Variants in PDE4B observed in about 807,000 individuals in gnomAD.
The protein encoded by PDE4B is 3',5'-cyclic-AMP phosphodiesterase 4B.
Under a neutral mutation model 82.2 loss-of-function variants are expected in PDE4B, and 20 were observed. That is an observed-to-expected ratio of 0.24 (90% confidence interval 0.17 to 0.35). PDE4B has a LOEUF of 0.35. Ranked by LOEUF, PDE4B falls within the 10% of genes least tolerant of loss-of-function variation. PDE4B has a pLI of 1.00. For synonymous variants in PDE4B, 320 were observed against 318.9 expected, an observed-to-expected ratio of 1.00 and a Z score of -0.04; for missense variants, 655 against 907.2, an observed-to-expected ratio of 0.72 and a Z score of 3.57.
At chr1:66,097,208 A>G (rs1178962467) in intron 3 of PDE4B, among the ~76,000 whole-genome samples, 1 of 152,080 alleles carries the variant, frequency 6.6e-6, no homozygotes, top group African/African-American at 2.4e-5. Flanking sequence ...AATACTTTAC[A>G]TCTCCACTAG....
At chr1:66,027,790 T>C (rs1360670356) in intron 3 of PDE4B, among the ~76,000 whole-genome samples, 1 of 152,226 alleles carries the variant, frequency 6.6e-6, no homozygotes, top group Non-Finnish European at 1.5e-5. Flanking sequence ...AAACGATCCC[T>C]GACTTTATGT....
At chr1:66,011,522 A>G (rs895229572) in intron 3 of PDE4B, among the ~76,000 whole-genome samples, 4 of 152,220 alleles carry the variant, frequency 2.6e-5, no homozygotes, top group African/African-American at 9.6e-5. Flanking sequence ...GAGTATCACA[A>G]TGGTAAATTT....
intron 1 of PDE4B, among the ~76,000 whole-genome samples, chr1:65,834,705 A>G (rs1368495259): frequency 6.6e-6 from 1 of 152,196 alleles, no homozygotes; most frequent in African/African-American, 2.4e-5. Context: ...CCACGTCTTC[A>G]TGTCTAAATT....
intron 3 of PDE4B, among the ~76,000 whole-genome samples, chr1:66,124,913 G>T (rs865980604): frequency 3.0e-4 from 17 of 56,982 alleles, no homozygotes; most frequent in Admixed American, 7.6e-4. Context: ...CTGTGTGTGT[G>T]TATGCGTGTG....
chr1:66,229,038 T>C (rs113366417), intron 3 of PDE4B, among the ~76,000 whole-genome samples: 31,279 of 151,752 alleles, frequency 0.21, 6,689 homozygotes, highest in African/African-American at 0.53. Context: ...GATGGAGTCT[T>C]GCTCTGTCGC....
chr1:66,195,782 C>A (rs986917645), intron 3 of PDE4B, among the ~76,000 whole-genome samples: 1 of 152,180 alleles, frequency 6.6e-6, no homozygotes, highest in Non-Finnish European at 1.5e-5. Flanking sequence ...AGTTGGCTGG[C>A]TGATATGATT....
intron 3 of PDE4B, among the ~76,000 whole-genome samples, chr1:66,102,319 G>T (rs771806685): frequency 4.6e-5 from 7 of 152,062 alleles, no homozygotes; most frequent in Non-Finnish European, 7.4e-5. Context: ...GGGGAGAATG[G>T]ATGTGTATAC....
At chr1:65,855,107 G>A (rs72685042) in intron 1 of PDE4B, among the ~76,000 whole-genome samples, 3,251 of 150,250 alleles carry the variant, frequency 0.022, 63 homozygotes, top group Non-Finnish European at 0.032. Context: ...TTAAGAAATA[G>A]TTATAATATC....
At chr1:66,289,265 T>A (rs1026582951) in intron 7 of PDE4B, among the ~76,000 whole-genome samples, 1 of 151,898 alleles carries the variant, frequency 6.6e-6, no homozygotes, top group Non-Finnish European at 1.5e-5. Flanking sequence ...AAGACCTGTC[T>A]CAAGAAAGAA....
intron 3 of PDE4B, among the ~76,000 whole-genome samples, chr1:66,235,622 T>A (rs1652347630): frequency 6.6e-6 from 1 of 152,210 alleles, no homozygotes; most frequent in African/African-American, 2.4e-5. Context: ...CCACATGTAG[T>A]CAGGTCATGC....
intron 7 of PDE4B, among the ~76,000 whole-genome samples, chr1:66,300,800 T>C (rs576680435): frequency 1.3e-5 from 2 of 152,276 alleles, no homozygotes; most frequent in South Asian, 4.1e-4. Flanking sequence ...GCCGGCTGGA[T>C]TAGGCAATCA....
chr1:66,325,124 G>A (rs1396898642), intron 7 of PDE4B, among the ~76,000 whole-genome samples: 3 of 152,154 alleles, frequency 2.0e-5, no homozygotes, highest in Non-Finnish European at 4.4e-5. Context: ...CTATGGGAAG[G>A]AACCGAAGAA....
chr1:66,008,360 G>T (rs1652275792), intron 3 of PDE4B, among the ~76,000 whole-genome samples: 1 of 152,064 alleles, frequency 6.6e-6, no homozygotes, highest in South Asian at 2.1e-4. Context: ...CCACCTGCTT[G>T]ATTGTGCCCA....
intron 3 of PDE4B, among the ~76,000 whole-genome samples, chr1:65,991,020 C>T (rs925136010): frequency 3.9e-5 from 6 of 151,932 alleles, no homozygotes; most frequent in Admixed American, 1.3e-4. Flanking sequence ...AGTTAGTCTG[C>T]TCTTATTTAG....
At chr1:66,027,353 C>T (rs907801337) in intron 3 of PDE4B, among the ~76,000 whole-genome samples, 4 of 152,180 alleles carry the variant, frequency 2.6e-5, no homozygotes, top group South Asian at 4.1e-4. Context: ...AAAGACTGGC[C>T]CCCATGAGTC....
intron 9 of PDE4B, among the ~76,000 whole-genome samples, chr1:66,360,112 A>G (rs1247183124): frequency 6.6e-6 from 1 of 152,060 alleles, no homozygotes; most frequent in Non-Finnish European, 1.5e-5. Context: ...ATTCAGAAAA[A>G]TCTGTATTTT....
At chr1:66,248,204 G>A (rs1653477699) in intron 4 of PDE4B, among the ~76,000 whole-genome samples, 1 of 152,116 alleles carries the variant, frequency 6.6e-6, no homozygotes, top group Admixed American at 6.5e-5. Context: ...GCCCTGTAAA[G>A]CACTGCTGAT....
At position 66,224,446 on chromosome 1, in the gene PDE4B, C is replaced by T. The variant is rs529722007; in HGVS notation, c.282-23014C>T. ...AGAAAAATAGTCAAGCAGCCGGGCA[C>T]AGTGGCTCACACGTGTAATCCCAGA... is the stretch of plus-strand genomic sequence containing the variant. On this transcript the variant is annotated intron_variant, in intron 3 of 16. Transcript: ENST00000341517. 4.6e-5 allele frequency among the ~76,000 whole-genome samples: 7 copies of T among 152,194 alleles called. No homozygotes were observed. The South Asian group carries it at 6.2e-4, about 14-fold the overall frequency.
chr1:66,253,091 A>G (rs947859394), intron 4 of PDE4B, among the ~76,000 whole-genome samples: 1 of 152,244 alleles, frequency 6.6e-6, no homozygotes, highest in African/African-American at 2.4e-5. Flanking sequence ...AGAGTTGTAC[A>G]TATGTAATAA....
Sources: gnomAD v4.1 joint callset for allele counts (sites outside exome capture counted in the v4.1 genomes callset) on GRCh38, gnomAD v4.1.1 for gene constraint, MANE v1.5 for transcripts, NCBI Gene and HGNC (gene_info 2026-07-23, HGNC 2026-07-21) for gene names.